Variants in R3HCC1L observed in about 807,000 individuals in gnomAD.
R3HCC1L encodes the protein coiled-coil domain-containing protein R3HCC1L.
A neutral mutation model predicts 59.9 loss-of-function variants in R3HCC1L; 51 were observed. That is an observed-to-expected ratio of 0.85 (90% confidence interval 0.68 to 1.07). The LOEUF (loss-of-function observed/expected upper bound fraction) is 1.07. R3HCC1L is among the 50% of genes least tolerant of loss of function. The pLI is 0.00. For synonymous variants in R3HCC1L, 322 were observed against 315.2 expected, an observed-to-expected ratio of 1.02 and a Z score of -0.23; for missense variants, 965 against 933.0, an observed-to-expected ratio of 1.03 and a Z score of -0.45.
At chr10:98,187,296 C>G (rs1339472948) in intron 4 of R3HCC1L, among the ~76,000 whole-genome samples, 1 of 151,822 alleles carries the variant, frequency 6.6e-6, no homozygotes, top group Admixed American at 6.6e-5. Context: ...GTGTTCATTT[C>G]CTTTGAGTGT....
intron 1 of R3HCC1L, among the ~76,000 whole-genome samples, chr10:98,154,201 AAAG>A (rs1275067678): frequency 3.3e-5 from 5 of 151,396 alleles, no homozygotes; most frequent in African/African-American, 1.2e-4. Flanking sequence ...AAAAAAAAAA[AAAG>A]GAAGAAAGAG....
At chr10:98,183,164 C>T (rs940972133) in intron 4 of R3HCC1L, among the ~76,000 whole-genome samples, 6 of 152,188 alleles carry the variant, frequency 3.9e-5, no homozygotes, top group Admixed American at 6.6e-5. Context: ...CCTATTCGGC[C>T]GTCTTGGAAT....
rs146281613 is a variant in R3HCC1L at position 98,190,223 on chromosome 10, G to T, written c.-14-17878G>T. Among the ~76,000 whole-genome samples, 351 of 152,226 alleles carry T rather than the reference G, an allele frequency of 2.3e-3. 2 individuals are homozygous for T. Among genetic ancestry groups the T allele is most frequent in the African/African-American group, 8.0e-3 (331 of 41,548 alleles). On this transcript the variant is annotated intron_variant, in intron 4 of 9. Coordinates refer to ENST00000298999, the MANE Select transcript of R3HCC1L (RefSeq NM_001351015.2). ...AACTGAATATTTCCATCTCTGGGTT[G>T]GTTGAATCCATAGACCCATGGATAT...
At chr10:98,150,358 G>A (rs1590408021) in intron 1 of R3HCC1L, among the ~76,000 whole-genome samples, 1 of 152,152 alleles carries the variant, frequency 6.6e-6, no homozygotes, top group East Asian at 1.9e-4. Context: ...TCTTGTGGAT[G>A]TGCATCTGTA....
At chr10:98,143,874 T>C (rs1845407022) in intron 1 of R3HCC1L, among the ~76,000 whole-genome samples, 1 of 152,208 alleles carries the variant, frequency 6.6e-6, no homozygotes, top group Non-Finnish European at 1.5e-5. Flanking sequence ...AATACAACCA[T>C]ATTTTCACCA....
intron 4 of R3HCC1L, among the ~76,000 whole-genome samples, chr10:98,164,056 G>A (rs1847700602): frequency 6.6e-6 from 1 of 152,076 alleles, no homozygotes; most frequent in African/African-American, 2.4e-5. Context: ...ACTCTCCTGT[G>A]TAGCCAGTGA....
At chr10:98,163,499 T>A in intron 4 of R3HCC1L, 102 bp downstream of exon 4, 1 of 744,974 alleles carries the variant, frequency 1.3e-6, no homozygotes, top group Non-Finnish European at 2.0e-6. Flanking sequence ...TTTTATTTTG[T>A]AACTGTCATG....
At chr10:98,235,894 C>T (rs1207417872) in intron 8 of R3HCC1L, 130 bp from the exon 9 acceptor site, 7 of 1,067,972 alleles carry the variant, frequency 6.6e-6, no homozygotes, top group Non-Finnish European at 1.3e-6. Context: ...ATCTATCAGA[C>T]TTGTATTAAT....
At chr10:98,143,027 G>A (rs1436024838) in intron 1 of R3HCC1L, among the ~76,000 whole-genome samples, 1 of 151,416 alleles carries the variant, frequency 6.6e-6, no homozygotes, top group Admixed American at 6.6e-5. Flanking sequence ...GGAATATTTT[G>A]TGACATATGG....
In R3HCC1L at chr10:98,182,954, C is replaced by A. The variant is rs988993719; in HGVS notation, c.-15+19557C>A. Reference sequence around the variant, plus strand: ...CCTTGTATAGTCTGTCATGGCTTCCCTTGGCTAGGAAAGGGAAATCCCCTG... The same window carrying A: ...CCTTGTATAGTCTGTCATGGCTTCCATTGGCTAGGAAAGGGAAATCCCCTG... On this transcript the variant is annotated intron_variant, in intron 4 of 9. Transcript: ENST00000298999. Among the ~76,000 whole-genome samples the A allele has an allele frequency of 2.6e-5, 4 of 152,280 alleles. No individual in the cohort carries two copies. In the East Asian group the frequency reaches 5.8e-4, roughly 22 times the overall value.
chr10:98,158,119 T>C (rs1847060808), intron 2 of R3HCC1L, among the ~76,000 whole-genome samples: 1 of 152,232 alleles, frequency 6.6e-6, no homozygotes, highest in Non-Finnish European at 1.5e-5. Flanking sequence ...AGAATCACTT[T>C]AATTACACTA....
At chr10:98,221,223 GTTGT>G (rs1325698744) in intron 5 of R3HCC1L, among the ~76,000 whole-genome samples, 7 of 152,008 alleles carry the variant, frequency 4.6e-5, no homozygotes, top group Non-Finnish European at 7.4e-5. Context: ...TGTTGATGGG[GTTGT>G]TTGTTTTTTT....
intron 1 of R3HCC1L, among the ~76,000 whole-genome samples, chr10:98,140,331 G>A (rs988066756): frequency 2.6e-5 from 4 of 152,162 alleles, no homozygotes; most frequent in East Asian, 1.9e-4. Flanking sequence ...AAAGTAAACA[G>A]CAAGGATGTA....
intron 1 of R3HCC1L, among the ~76,000 whole-genome samples, chr10:98,136,146 C>T (rs140113164): frequency 6.6e-6 from 1 of 151,850 alleles, no homozygotes; most frequent in Non-Finnish European, 1.5e-5. Context: ...TGACACTGTG[C>T]CCACTGTGCC....
chr10:98,236,316 C>A, intron 9 of R3HCC1L, 152 bp downstream of exon 9: 5 of 991,992 alleles, frequency 5.0e-6, no homozygotes, highest in South Asian at 1.6e-5. Context: ...GCCTTACGTC[C>A]AGGAGAAGAT....
intron 5 of R3HCC1L, 94 bp from the exon 6 acceptor site, chr10:98,231,418 A>G (rs1053133889): frequency 2.4e-5 from 28 of 1,168,568 alleles, no homozygotes; most frequent in Admixed American, 1.0e-4. Context: ...GGGAACATGT[A>G]GAGAAAGGGA....
At chr10:98,137,908 C>T (rs1157699156) in intron 1 of R3HCC1L, among the ~76,000 whole-genome samples, 2 of 151,740 alleles carry the variant, frequency 1.3e-5, no homozygotes, top group Admixed American at 1.3e-4. Flanking sequence ...TTTTTTAAGC[C>T]AGACTATTAG....
At position 98,209,257 on chromosome 10, in the gene R3HCC1L, A is replaced by C. The variant is rs556220034; in HGVS notation, c.1143A>C (p.Thr381=). ...ATAAAGCATGTATGATGGACACTACAGGTATGTCCTGTAGTGATCATGTAA... is the reference window on the plus strand; with the variant it reads ...ATAAAGCATGTATGATGGACACTACCGGTATGTCCTGTAGTGATCATGTAA... ...ITNKACMMDT[T]GMSCSDHVTV... Residue 381 remains threonine, a synonymous_variant, in exon 5 of 10, where the codon ACA becomes ACC. Coordinates refer to ENST00000298999, the MANE Select transcript of R3HCC1L (RefSeq NM_001351015.2). 1.2e-6 allele frequency: 2 copies of C among 1,613,982 alleles called. No homozygotes were observed. Among genetic ancestry groups the C allele is most frequent in the Admixed American group, 1.7e-5 (1 of 60,020 alleles).
intron 9 of R3HCC1L, among the ~76,000 whole-genome samples, chr10:98,239,111 T>C (rs1158102729): frequency 6.6e-6 from 1 of 152,226 alleles, no homozygotes; most frequent in African/African-American, 2.4e-5. Flanking sequence ...CTCCTCAGCC[T>C]ACCTAATCAT....
Sources: allele counts gnomAD v4.1 joint callset (sites outside exome capture counted in the v4.1 genomes callset), GRCh38; gene constraint gnomAD v4.1.1; transcripts MANE v1.5; gene names NCBI Gene and HGNC (gene_info 2026-07-23, HGNC 2026-07-21).